Variants in INSR observed in about 807,000 individuals in gnomAD.
INSR encodes the protein IR.
A neutral mutation model predicts 142.6 loss-of-function variants in INSR; 67 were observed. That is an observed-to-expected ratio of 0.47 (90% CI 0.39 to 0.58). The LOEUF is 0.58. Ranked by LOEUF, INSR falls within the 20% of genes least tolerant of loss-of-function variation. The probability of loss-of-function intolerance (pLI) is 0.00; values close to 1 mark genes in which losing one functional copy is unlikely to be tolerated. For synonymous variants in INSR, 756 were observed against 743.1 expected (o/e 1.02, Z -0.28); for missense variants, 1,248 against 1,833.2 (o/e 0.68, Z 5.83).
chr19:7,219,300 A>G (rs886141227), intron 2 of INSR, among the ~76,000 whole-genome samples: 4 of 152,146 alleles, frequency 2.6e-5, no homozygotes, highest in Admixed American at 1.3e-4. Context: ...TCCGGGCTCC[A>G]GTTACTTTCA....
chr19:7,171,218 T>TTTTG lies in INSR; in HGVS notation c.1269-471_1269-468dup, dbSNP rs72193351. Among the ~76,000 whole-genome samples, 1,448 of 151,478 alleles carry TTTTG rather than the reference T, an allele frequency of 9.6e-3. 71 individuals carry two copies. Among genetic ancestry groups the TTTTG allele is most frequent in the Admixed American group, 0.08 (1,213 of 15,186 alleles). The stretch of plus-strand genomic sequence containing the variant: ...TAAGGAGAAAGGAGCCATTGAAGGT[T>TTTTG]TTTGTTTGTTTGTTTGTTTGTTTTA... On this transcript the variant is annotated intron_variant, in intron 5 of 21. Transcript: ENST00000302850.
intron 1 of INSR, among the ~76,000 whole-genome samples, chr19:7,279,953 G>A (rs1968160584): frequency 6.6e-6 from 1 of 151,862 alleles, no homozygotes; most frequent in Non-Finnish European, 1.5e-5. Flanking sequence ...AGGCGACAGT[G>A]CGAGGAGACC....
rs1013596220 is a variant in INSR at position 7,112,686 on chromosome 19, T to C, written c.*4370A>G. 14 of 152,152 alleles carry C rather than the reference T, an allele frequency of 9.2e-5. No homozygotes were observed. Among genetic ancestry groups the C allele is most frequent in the African/African-American group, 1.9e-4 (8 of 41,440 alleles). 9.4% of individuals were successfully genotyped at this position (152,152 alleles called of 1,614,324 possible). ...GGATTTTCAGTGGCCCGCACCCAGA[T>C]AGAAATTTGGCTGGTGGCTGGTTCT... On this transcript the variant is annotated 3_prime_UTR_variant, in exon 22 of 22. Transcript: ENST00000302850.
chr19:7,253,973 GAGCCGAGATTGTGTCAC>G (rs1976811477), intron 2 of INSR, among the ~76,000 whole-genome samples: 1 of 150,236 alleles, frequency 6.7e-6, no homozygotes, highest in Admixed American at 6.7e-5. Flanking sequence ...AGGTTGCAGT[GAGCCGAGATTGTGTCAC>G]TGTGCTCCAG....
intron 13 of INSR, 119 bp downstream of exon 13, chr19:7,141,558 A>G: frequency 7.0e-7 from 1 of 1,425,454 alleles, no homozygotes; most frequent in East Asian, 2.4e-5. Flanking sequence ...CTAATAGCAC[A>G]GTACCTGATG....
intron 2 of INSR, among the ~76,000 whole-genome samples, chr19:7,217,561 T>C (rs898035356): frequency 1.8e-4 from 27 of 152,216 alleles, no homozygotes; most frequent in African/African-American, 6.5e-4. Context: ...ATATCTTTTT[T>C]CTTTTTTTCT....
At chr19:7,246,860 G>T (rs57176884) in intron 2 of INSR, among the ~76,000 whole-genome samples, 1 of 133,098 alleles carries the variant, frequency 7.5e-6, no homozygotes, top group Non-Finnish European at 1.5e-5. Flanking sequence ...GTTCCAAGTT[G>T]TATGTTTCAG....
intron 2 of INSR, among the ~76,000 whole-genome samples, chr19:7,236,802 G>A (rs998008827): frequency 6.6e-5 from 10 of 151,996 alleles, no homozygotes; most frequent in Non-Finnish European, 8.8e-5. Flanking sequence ...CGAGGCGGGC[G>A]GATCATGAGG....
At position 7,119,436 on chromosome 19, in the gene INSR, T is replaced by C. The variant is rs772119949; in HGVS notation, c.3794+13A>G. The C allele has an allele frequency of 5.6e-6, 9 of 1,614,124 alleles. No individual in the cohort carries two copies. In the South Asian group the frequency reaches 6.6e-5, roughly 12 times the overall value. ...CGAACACCTCACACACCTTAAACCC[T>C]TTCTACACTTACACTCTCTCTGGAC... On this transcript the variant is annotated intron_variant, in intron 21 of 21. Coordinates refer to ENST00000302850, the MANE Select transcript of INSR (RefSeq NM_000208.4). The surrounding 1 kb of genome is among the most constrained non-coding windows in gnomAD (Gnocchi z 5.2).
At chr19:7,292,500 A>C (rs1968524286) in intron 1 of INSR, among the ~76,000 whole-genome samples, 1 of 150,996 alleles carries the variant, frequency 6.6e-6, no homozygotes, top group South Asian at 2.1e-4. Flanking sequence ...GCTTTTAGAC[A>C]TTATGTGATT....
At chr19:7,222,339 A>G (rs1157944821) in intron 2 of INSR, among the ~76,000 whole-genome samples, 2 of 146,798 alleles carry the variant, frequency 1.4e-5, no homozygotes, top group Non-Finnish European at 2.9e-5. Flanking sequence ...TTACTCAGAT[A>G]GAGGTCTGAC....
intron 2 of INSR, among the ~76,000 whole-genome samples, chr19:7,249,514 A>G (rs1424245767): frequency 6.6e-6 from 1 of 152,100 alleles, no homozygotes; most frequent in Non-Finnish European, 1.5e-5. Context: ...GGAACCTCAT[A>G]TAGCTTTATC....
At chr19:7,153,062 C>T in intron 9 of INSR, 135 bp from the exon 10 acceptor site, 3 of 539,140 alleles carry the variant, frequency 5.6e-6, no homozygotes, top group Admixed American at 6.1e-5. Flanking sequence ...CCCACACACA[C>T]ACACCACACA....
At chr19:7,243,236 T>C (rs1374890036) in intron 2 of INSR, among the ~76,000 whole-genome samples, 1 of 50,742 alleles carries the variant, frequency 2.0e-5, no homozygotes, top group South Asian at 9.3e-4. Context: ...CTGTTTTGGT[T>C]TTTTTTTTTT....
chr19:7,281,755 G>A (rs1384495868), intron 1 of INSR, among the ~76,000 whole-genome samples: 3 of 152,114 alleles, frequency 2.0e-5, no homozygotes, highest in Non-Finnish European at 4.4e-5. Flanking sequence ...GTCCCTTCCT[G>A]TCTGACTACT....
intron 9 of INSR, among the ~76,000 whole-genome samples, chr19:7,158,963 C>T (rs1236162239): frequency 2.6e-5 from 4 of 151,976 alleles, no homozygotes; most frequent in Admixed American, 2.0e-4. Flanking sequence ...AGTGCAATGG[C>T]GTGATCTCGG....
At chr19:7,135,137 GA>G (rs1254516542) in intron 13 of INSR, among the ~76,000 whole-genome samples, 8 of 143,624 alleles carry the variant, frequency 5.6e-5, no homozygotes, top group Non-Finnish European at 7.6e-5. Context: ...CTTATCGTGT[GA>G]CAATAACAGC....
At chr19:7,269,756 C>A (rs932560586) in intron 1 of INSR, among the ~76,000 whole-genome samples, 1 of 152,128 alleles carries the variant, frequency 6.6e-6, no homozygotes, top group African/African-American at 2.4e-5. Flanking sequence ...CTCCAAGAGG[C>A]AAAGACCATC....
At chr19:7,191,750 G>T (rs1974594485) in intron 2 of INSR, among the ~76,000 whole-genome samples, 1 of 152,034 alleles carries the variant, frequency 6.6e-6, no homozygotes, top group Non-Finnish European at 1.5e-5. Flanking sequence ...GATTGCTACA[G>T]CCCAGGGGTT....
Sources: gnomAD v4.1 joint callset for allele counts (sites outside exome capture counted in the v4.1 genomes callset) on GRCh38, gnomAD v4.1.1 for gene constraint, Gnocchi (gnomAD v3.1) non-coding constraint, MANE v1.5 for transcripts, NCBI Gene and HGNC (gene_info 2026-07-23, HGNC 2026-07-21) for gene names.